GSE1: variants seen among roughly 807,000 people sequenced by gnomAD.
The protein encoded by GSE1 is Gse1 coiled-coil protein.
A neutral mutation model predicts 112.6 loss-of-function variants in GSE1; 32 were observed. The observed-to-expected ratio is 0.28, with a 90% CI of 0.21 to 0.38. The LOEUF (loss-of-function observed/expected upper bound fraction) is 0.38. Ranked by LOEUF, GSE1 falls within the 10% of genes least tolerant of loss-of-function variation. The probability of loss-of-function intolerance (pLI) is 1.00; values close to 1 mark genes in which losing one functional copy is unlikely to be tolerated. For missense variants in GSE1, 2,348 were observed against 1,699.2 expected, an observed-to-expected ratio of 1.38 and a Z score of -6.71; for synonymous variants, 1,115 against 735.6, an observed-to-expected ratio of 1.52 and a Z score of -8.35.
chr16:85,370,480 G>A (rs541808943), intron 2 of GSE1, among the ~76,000 whole-genome samples: 2 of 152,304 alleles, frequency 1.3e-5, no homozygotes, highest in East Asian at 3.9e-4. Context: ...CAGGGAGGAG[G>A]CGCACTACTT....
chr16:85,662,690 GTGA>G, intron 9 of GSE1: 1 of 431,486 alleles, frequency 2.3e-6, no homozygotes, highest in Non-Finnish European at 4.2e-6. Context: ...CCAGGCCTGT[GTGA>G]TGAATGGTTC....
chr16:85,171,626 G>T (rs893851495), exon 1 of GSE1: 2 of 985,422 alleles, frequency 2.0e-6, no homozygotes, highest in Non-Finnish European at 2.4e-6. Context: ...AAGTCCGTGC[G>T]GGTGGCCCGG....
intron 2 of GSE1, among the ~76,000 whole-genome samples, chr16:85,372,910 G>C (rs75634657): frequency 6.6e-6 from 1 of 152,200 alleles, no homozygotes; most frequent in Admixed American, 6.5e-5. Context: ...GCTGACGGTC[G>C]TCCCGCCAGT....
chr16:85,612,169 C>T (rs1406658084), upstream of GSE1, among the ~76,000 whole-genome samples: 10 of 151,458 alleles, frequency 6.6e-5, no homozygotes, highest in Admixed American at 4.6e-4. Context: ...AGGGGAGGCT[C>T]GCCGACCCCT....
rs865805598 is a variant in GSE1, at chr16:85,655,003, C to T, written c.797+12C>T. 15 of 1,514,554 alleles carry T rather than the reference C, an allele frequency of 9.9e-6. No homozygotes were observed. Among genetic ancestry groups the T allele is most frequent in the Middle Eastern group, 3.4e-4 (2 of 5,890 alleles). 93.8% of individuals were successfully genotyped at this position (1,514,554 alleles called of 1,614,324 possible). On this transcript the variant is annotated intron_variant, in intron 5 of 15. Coordinates refer to ENST00000253458, the MANE Select transcript of GSE1 (RefSeq NM_014615.5). ...CACCCGGCCTTCAGGTGAGGCATCCCCCACGCGCCCTCTCGTCTAGGTGCT... is the reference window on the plus strand; with the variant it reads ...CACCCGGCCTTCAGGTGAGGCATCCTCCACGCGCCCTCTCGTCTAGGTGCT...
intron 1 of GSE1, among the ~76,000 whole-genome samples, chr16:85,251,262 C>T (rs1041508872): frequency 2.6e-5 from 4 of 152,146 alleles, no homozygotes; most frequent in Admixed American, 6.5e-5. Context: ...GCTGCTTTGT[C>T]CTCCCACGGA....
intron 1 of GSE1, among the ~76,000 whole-genome samples, chr16:85,252,143 G>C (rs181376839): frequency 2.0e-5 from 3 of 152,198 alleles, no homozygotes; most frequent in African/African-American, 7.2e-5. Context: ...ACGGAGCTTC[G>C]TACTGAGTAG....
chr16:85,233,695 C>T (rs1904324523), intron 1 of GSE1, among the ~76,000 whole-genome samples: 1 of 152,102 alleles, frequency 6.6e-6, no homozygotes, highest in Non-Finnish European at 1.5e-5. Flanking sequence ...AACAGACACA[C>T]TGACAGGGAC....
chr16:85,312,751 AAGG>A (rs2045888863), intron 1 of GSE1, among the ~76,000 whole-genome samples: 1 of 149,760 alleles, frequency 6.7e-6, no homozygotes, highest in Admixed American at 6.6e-5. Flanking sequence ...CGAGGAGGAG[AAGG>A]AGGGGGAGGA....
At chr16:85,418,128 C>T (rs1004151467) in intron 2 of GSE1, among the ~76,000 whole-genome samples, 1 of 152,254 alleles carries the variant, frequency 6.6e-6, no homozygotes, top group Non-Finnish European at 1.5e-5. Context: ...TGAGCCACCG[C>T]GCCTGGCTGG....
At position 85,663,389 on chromosome 16, in the gene GSE1, A is replaced by G. The variant is rs1202184594; in HGVS notation, c.2419A>G (p.Lys807Glu). 4 of 1,613,782 alleles carry G rather than the reference A, an allele frequency of 2.5e-6. No homozygotes were observed. Among genetic ancestry groups the G allele is most frequent in the Non-Finnish European group, 2.5e-6 (3 of 1,180,016 alleles). ...TTTTGGCTTGACCACCCAACAGCAG[A>G]AGGAGGAATTGGTGGCCCAGAAGCG... Reference protein sequence around the residue: ...QLFGLTTQQQKEELVAQKRRK... With the variant: ...QLFGLTTQQQEEELVAQKRRK... Residue 807 changes from lysine (K) to glutamate (E), a missense_variant, in exon 11 of 16, where the codon AAG becomes GAG. By Grantham distance (56) the Lys-to-Glu change is moderately conservative (BLOSUM62 1). Coordinates refer to ENST00000253458, the MANE Select transcript of GSE1 (RefSeq NM_014615.5).
chr16:85,180,280 C>T (rs2074555245), intron 1 of GSE1, among the ~76,000 whole-genome samples: 1 of 152,238 alleles, frequency 6.6e-6, no homozygotes, highest in Non-Finnish European at 1.5e-5. Context: ...GGGGCAGGTG[C>T]CTCTGGCTGC....
intron 2 of GSE1, among the ~76,000 whole-genome samples, chr16:85,413,958 G>A (rs2048645673): frequency 6.6e-6 from 1 of 152,172 alleles, no homozygotes; most frequent in Non-Finnish European, 1.5e-5. Context: ...CTGCTGTCTT[G>A]TGAAGAGGGC....
chr16:85,365,751 C>G (rs1234607312), intron 2 of GSE1, among the ~76,000 whole-genome samples: 2 of 152,370 alleles, frequency 1.3e-5, no homozygotes, highest in South Asian at 2.1e-4. Context: ...TCCACTCTCT[C>G]TCTTCTAGCC....
At chr16:85,213,051 A>G (rs1363155019) in intron 1 of GSE1, among the ~76,000 whole-genome samples, 7 of 152,084 alleles carry the variant, frequency 4.6e-5, no homozygotes, top group Non-Finnish European at 2.9e-5. Flanking sequence ...TGGGCAGATC[A>G]TGAGGTCAGG....
At chr16:85,651,731 G>A (rs1354250997) in intron 3 of GSE1, among the ~76,000 whole-genome samples, 1 of 152,190 alleles carries the variant, frequency 6.6e-6, no homozygotes, top group African/African-American at 2.4e-5. Context: ...TGAAGCCCCT[G>A]GCTGTCGTCT....
At chr16:85,493,327 A>T (rs1238321906) in intron 2 of GSE1, among the ~76,000 whole-genome samples, 1 of 151,964 alleles carries the variant, frequency 6.6e-6, no homozygotes, top group East Asian at 1.9e-4. Context: ...GCACATCTGT[A>T]GTCTTCTACT....
intron 1 of GSE1, among the ~76,000 whole-genome samples, chr16:85,192,435 A>G (rs1029034453): frequency 3.3e-5 from 5 of 152,232 alleles, no homozygotes; most frequent in African/African-American, 4.8e-5. Context: ...GCATTGTTAT[A>G]TGGCCTCACG....
At chr16:85,322,301 C>CG (rs920718725) in intron 1 of GSE1, among the ~76,000 whole-genome samples, 2 of 100,858 alleles carry the variant, frequency 2.0e-5, no homozygotes, top group Non-Finnish European at 4.1e-5. Context: ...CCCGGGCGGG[C>CG]GGGGGGGAAG....
Sources: allele counts gnomAD v4.1 joint callset (sites outside exome capture counted in the v4.1 genomes callset), GRCh38; gene constraint gnomAD v4.1.1; transcripts MANE v1.5; gene names NCBI Gene and HGNC (gene_info 2026-07-23, HGNC 2026-07-21).